The following PDE1C variants were observed in gnomAD, a reference collection of about 807,000 sequenced individuals.
PDE1C encodes the protein dual specificity calcium/calmodulin-dependent 3',5'-cyclic nucleotide phosphodiesterase 1C.
In PDE1C, 62 loss-of-function variants were observed where a neutral mutation model predicts 93.1. That is an observed-to-expected ratio of 0.67 (90% CI 0.54 to 0.82). PDE1C has a LOEUF of 0.82. Ranked by LOEUF, PDE1C falls within the 40% of genes least tolerant of loss-of-function variation. PDE1C has a pLI of 0.00. For missense variants in PDE1C, 742 were observed against 884.6 expected (o/e 0.84, Z 2.04); for synonymous variants, 325 against 310.1 (o/e 1.05, Z -0.50).
intron 14 of PDE1C, chr7:31,820,943 A>G (rs1788885717): frequency 6.7e-6 from 1 of 150,286 alleles, no homozygotes; most frequent in Non-Finnish European, 1.5e-5. Context: ...GATGTACATT[A>G]TCATCCCCAA....
the PDE1C span, among the ~76,000 whole-genome samples, chr7:31,734,030 G>T: frequency 6.6e-6 from 1 of 151,916 alleles, no homozygotes; most frequent in Non-Finnish European, 1.5e-5. Flanking sequence ...TTTTTTTCAT[G>T]CATAAAAACG....
At chr7:31,618,622 C>T in the PDE1C span, among the ~76,000 whole-genome samples, 17 of 152,140 alleles carry the variant, frequency 1.1e-4, no homozygotes, top group Admixed American at 1.1e-3. Context: ...TCATAAACTC[C>T]CCTCCATTAA....
intron 9 of PDE1C, 45 bp from the exon 10 acceptor site, chr7:31,838,016 G>A: frequency 7.7e-7 from 1 of 1,298,570 alleles, no homozygotes; most frequent in South Asian, 1.2e-5. Flanking sequence ...AGTCAAAAAT[G>A]GAAAGTAAAA....
chr7:32,121,160 G>A (rs1034048238), intron 3 of PDE1C, among the ~76,000 whole-genome samples: 2 of 152,026 alleles, frequency 1.3e-5, no homozygotes, highest in Non-Finnish European at 2.9e-5. Flanking sequence ...CTGAAATAAG[G>A]CATGCAGACA....
chr7:31,964,717 G>A (rs1189358373), intron 2 of PDE1C, among the ~76,000 whole-genome samples: 1 of 152,146 alleles, frequency 6.6e-6, no homozygotes, highest in African/African-American at 2.4e-5. Context: ...CAATAGGGGT[G>A]GACTGACACC....
At chr7:32,102,331 T>C (rs1021819902) in intron 3 of PDE1C, among the ~76,000 whole-genome samples, 3 of 152,164 alleles carry the variant, frequency 2.0e-5, no homozygotes, top group Admixed American at 6.5e-5. Flanking sequence ...AAGAACATCA[T>C]CCAGAGTGAT....
intron 1 of PDE1C, among the ~76,000 whole-genome samples, chr7:32,216,967 G>A (rs1170413912): frequency 2.0e-5 from 3 of 152,194 alleles, no homozygotes; most frequent in Admixed American, 2.0e-4. Flanking sequence ...GCGGTCACCC[G>A]CCTGGCCCCT....
At chr7:32,221,526 A>G (rs1009396668) in intron 1 of PDE1C, among the ~76,000 whole-genome samples, 7 of 152,194 alleles carry the variant, frequency 4.6e-5, no homozygotes, top group African/African-American at 1.7e-4. Flanking sequence ...GCTCTGGACC[A>G]GGACCTGAGA....
At chr7:31,946,430 C>T (rs1310963059) in intron 2 of PDE1C, among the ~76,000 whole-genome samples, 2 of 152,134 alleles carry the variant, frequency 1.3e-5, no homozygotes, top group Non-Finnish European at 2.9e-5. Flanking sequence ...GGGCATAAAA[C>T]CCCTCATGGC....
chr7:32,017,126 A>T (rs1219953937), intron 2 of PDE1C, among the ~76,000 whole-genome samples: 1 of 152,182 alleles, frequency 6.6e-6, no homozygotes, highest in Non-Finnish European at 1.5e-5. Context: ...CTGAGACTCA[A>T]TAAAGCTAAT....
chr7:31,943,346 A>G (rs1260971162), intron 2 of PDE1C, among the ~76,000 whole-genome samples: 2 of 152,170 alleles, frequency 1.3e-5, no homozygotes, highest in African/African-American at 4.8e-5. Context: ...TCCTGCAGTC[A>G]CTGCTCACCA....
chr7:31,825,420 C>T (rs1789525782), intron 12 of PDE1C, among the ~76,000 whole-genome samples: 1 of 151,986 alleles, frequency 6.6e-6, no homozygotes, highest in Admixed American at 6.6e-5. Flanking sequence ...TGTCTGGGGA[C>T]TGACTAGGGA....
chr7:31,815,008 T>C (rs1199743304), intron 15 of PDE1C, among the ~76,000 whole-genome samples: 1 of 151,916 alleles, frequency 6.6e-6, no homozygotes, highest in Non-Finnish European at 1.5e-5. Context: ...ATCAAAGCCC[T>C]GTGTACTTGC....
chr7:31,966,990 G>C (rs1396187194), intron 2 of PDE1C, among the ~76,000 whole-genome samples: 3 of 151,976 alleles, frequency 2.0e-5, no homozygotes, highest in Non-Finnish European at 4.4e-5. Context: ...AGCACTAAAT[G>C]CCCACAAGAG....
intron 1 of PDE1C, among the ~76,000 whole-genome samples, chr7:32,210,877 A>G (rs1423095556): frequency 6.6e-6 from 1 of 152,162 alleles, no homozygotes; most frequent in Non-Finnish European, 1.5e-5. Context: ...GGAGGCAATA[A>G]TTCATCCAGC....
rs763436818 is a variant in PDE1C, at chr7:31,775,683, C to T, written c.1941G>A (p.Thr647=). ...ACCCACCTGGCAACGTAAGGCGACA[C>T]GTGGAGCTGGTGCTTGGGGCTGGTG... ...HGSPAPSTSS[T]CRLTLPVIKP... The change falls in exon 17 of 18, where the codon ACG becomes ACA. Residue 647 remains threonine, a synonymous_variant. Transcript: ENST00000396191. The T allele has an allele frequency of 1.1e-5, 18 of 1,612,648 alleles. No individual in the cohort carries two copies. Among genetic ancestry groups the T allele is most frequent in the Middle Eastern group, 1.6e-4 (1 of 6,084 alleles).
chr7:31,926,764 G>A (rs529621800), intron 2 of PDE1C, among the ~76,000 whole-genome samples: 2 of 152,208 alleles, frequency 1.3e-5, no homozygotes, highest in Non-Finnish European at 2.9e-5. Context: ...CAGCCCAGAT[G>A]CTATGCTTTT....
At chr7:31,732,820 T>A in the PDE1C span, among the ~76,000 whole-genome samples, 23 of 152,124 alleles carry the variant, frequency 1.5e-4, no homozygotes, top group Admixed American at 1.5e-3. Context: ...AAGGGGGACC[T>A]CGGGGATTTC....
At chr7:32,134,443 C>T (rs531617288) in intron 3 of PDE1C, among the ~76,000 whole-genome samples, 1 of 151,996 alleles carries the variant, frequency 6.6e-6, no homozygotes, top group South Asian at 2.1e-4. Context: ...GCCCTAAGAT[C>T]CTCTAAAATG....
Sources: allele counts gnomAD v4.1 joint callset (sites outside exome capture counted in the v4.1 genomes callset), GRCh38; gene constraint gnomAD v4.1.1; transcripts MANE v1.5; gene names NCBI Gene and HGNC (gene_info 2026-07-23, HGNC 2026-07-21).